Variants in ZSCAN18 observed in about 807,000 individuals in gnomAD.
ZSCAN18 encodes the protein zinc finger and SCAN domain containing 18.
Under a neutral mutation model 31.1 loss-of-function variants are expected in ZSCAN18, and 16 were observed. That is an observed-to-expected ratio of 0.51 (90% CI 0.35 to 0.78). The LOEUF is 0.78. Ranked by LOEUF, ZSCAN18 falls within the 30% of genes least tolerant of loss-of-function variation. The probability of loss-of-function intolerance (pLI) is 0.01; values close to 1 mark genes in which losing one functional copy is unlikely to be tolerated. For missense variants in ZSCAN18, 731 were observed against 697.4 expected (o/e 1.05, Z -0.54); for synonymous variants, 375 against 320.7 (o/e 1.17, Z -1.81).
chr19:58,117,650 G>A (rs60957726), intron 1 of ZSCAN18, among the ~76,000 whole-genome samples: 1 of 151,306 alleles, frequency 6.6e-6, no homozygotes, highest in Admixed American at 6.6e-5. Context: ...AGGGGCGTCC[G>A]CACCTGTGCA....
chr19:58,102,744 C>G (rs931196263), upstream of ZSCAN18, among the ~76,000 whole-genome samples: 1 of 149,764 alleles, frequency 6.7e-6, no homozygotes, highest in Non-Finnish European at 1.5e-5. Flanking sequence ...CAAATGGACT[C>G]TCACTAGTCA....
At chr19:58,101,209 C>T (rs866832108), upstream of ZSCAN18, among the ~76,000 whole-genome samples, 6 of 151,258 alleles carry the variant, frequency 4.0e-5, no homozygotes, top group Middle Eastern at 3.2e-3. Flanking sequence ...CTCGGCTCAC[C>T]GCAAGCTCCA....
intron 1 of ZSCAN18, among the ~76,000 whole-genome samples, chr19:58,113,376 C>T (rs2074703854): frequency 6.6e-6 from 1 of 151,422 alleles, no homozygotes; most frequent in Non-Finnish European, 1.5e-5. Flanking sequence ...ATAACACAGA[C>T]AAAATGGGGC....
In ZSCAN18 at chr19:58,084,895, G is replaced by A. The variant is rs1368635171; in HGVS notation, c.1323C>T (p.Tyr441=). 9 of 1,595,360 alleles carry A rather than the reference G, an allele frequency of 5.6e-6. No homozygotes were observed. Among genetic ancestry groups the A allele is most frequent in the Non-Finnish European group, 6.8e-6 (8 of 1,172,876 alleles). ...HHSSHGGRKR[Y]ACQGCWKTFH... ...AGGTCTTCCAGCAGCCCTGACAGGC[G>A]TAGCGCTTCCGGCCGCCATGGCTGC... The change falls in exon 7 of 7, where the codon TAC becomes TAT. Residue 441 remains tyrosine, a synonymous_variant. Coordinates refer to ENST00000601144, the MANE Select transcript of ZSCAN18 (RefSeq NM_001145543.2). This position sits in a 1 kb window ranked among gnomAD's most constrained non-coding sequence, Gnocchi z 4.5.
intron 1 of ZSCAN18, among the ~76,000 whole-genome samples, chr19:58,118,069 C>T (rs1008213582): frequency 6.6e-6 from 1 of 152,118 alleles, no homozygotes; most frequent in Non-Finnish European, 1.5e-5. Context: ...ACCAGCCCCG[C>T]ACGCCAAGGG....
chr19:58,098,987 T>A (rs753047504), upstream of ZSCAN18, among the ~76,000 whole-genome samples: 10 of 152,270 alleles, frequency 6.6e-5, no homozygotes, highest in South Asian at 2.1e-4. Context: ...CAAAGCCCCA[T>A]ATAAATGTAG....
In ZSCAN18 at chr19:58,093,556, G is replaced by A. The variant is rs117187297; in HGVS notation, c.-119-3170C>T. Among the ~76,000 whole-genome samples the A allele has an allele frequency of 4.9e-3, 746 of 152,234 alleles. 1 individual carries two copies. The highest frequency in any genetic ancestry group is 0.012 in the South Asian group (59 of 4,828). ...TCAGACCCAAGCATCTGCCTGCTCT[G>A]TGACTGAGCGCTTTCTCATGATTTA... On this transcript the variant is annotated intron_variant, in intron 1 of 6. Coordinates refer to ENST00000601144, the MANE Select transcript of ZSCAN18 (RefSeq NM_001145543.2).
chr19:58,090,505 G>T lies in ZSCAN18; in HGVS notation c.-119-119C>A. ...ACACAGATTTCCAAGAAACCCGCTT[G>T]TTAGGCATCAGTAGAACCTCAGTGT... is the stretch of plus-strand genomic sequence containing the variant. On this transcript the variant is annotated intron_variant, in intron 1 of 6. Coordinates refer to ENST00000601144, the MANE Select transcript of ZSCAN18 (RefSeq NM_001145543.2). This position sits in a 1 kb window ranked among gnomAD's most constrained non-coding sequence, Gnocchi z 4.7. 1 of 903,578 alleles carries T rather than the reference G, an allele frequency of 1.1e-6. No homozygotes were observed. Among genetic ancestry groups the T allele is most frequent in the Non-Finnish European group, 1.6e-6 (1 of 608,788 alleles). The allele number at this position is 903,578 out of a possible 1,614,324, so 56.0% of individuals were successfully genotyped here. A position where few individuals can be genotyped will look rare whatever the true frequency, so the allele number is the denominator to read the frequency against.
At position 58,084,649 on chromosome 19, in the gene ZSCAN18, C is replaced by G; in HGVS notation, c.*36G>C. On this transcript the variant is annotated 3_prime_UTR_variant, in exon 7 of 7. Transcript: ENST00000601144. The surrounding 1 kb of genome is among the most constrained non-coding windows in gnomAD (Gnocchi z 4.5). The stretch of plus-strand genomic sequence containing the variant: ...TGCCTCGTCTGGGATTCACGGCCGG[C>G]AAAGCGGCCCCTCCGGAACGGGACA... 1.4e-6 allele frequency: 2 copies of G among 1,437,396 alleles called. No homozygotes were observed. The highest frequency in any genetic ancestry group is 1.8e-6 in the Non-Finnish European group (2 of 1,100,844). The allele number at this position is 1,437,396 out of a possible 1,614,324, so 89.0% of individuals were successfully genotyped here.
intron 6 of ZSCAN18, chr19:58,085,721 T>C (rs1446175554): frequency 1.8e-5 from 7 of 387,552 alleles, no homozygotes; most frequent in Admixed American, 1.3e-4. Flanking sequence ...AAGGAGAGCC[T>C]GCTCAGAGCG....
At chr19:58,097,954 C>G (rs1431739201) in intron 1 of ZSCAN18, 2 of 985,336 alleles carry the variant, frequency 2.0e-6, no homozygotes, top group Non-Finnish European at 2.4e-6. Flanking sequence ...CCTCACCGAT[C>G]TGGATCTCAG....
At chr19:58,116,429 C>A (rs921306460) in intron 1 of ZSCAN18, among the ~76,000 whole-genome samples, 1 of 151,754 alleles carries the variant, frequency 6.6e-6, no homozygotes, top group Admixed American at 6.6e-5. Context: ...AGACCTCCAC[C>A]TCACAGAGTA....
At chr19:58,091,403 G>A (rs149911883) in intron 1 of ZSCAN18, among the ~76,000 whole-genome samples, 3,331 of 152,080 alleles carry the variant, frequency 0.022, 68 homozygotes, top group Non-Finnish European at 0.027. Context: ...CGTAGGGAGC[G>A]GGGGGCTCCC....
At chr19:58,104,028 G>C (rs764922799) in intron 1 of ZSCAN18, among the ~76,000 whole-genome samples, 1 of 152,224 alleles carries the variant, frequency 6.6e-6, no homozygotes, top group Non-Finnish European at 1.5e-5. Context: ...TCCAGAGCAA[G>C]GTCCTGACTC....
chr19:58,085,678 T>C (rs371592266), intron 6 of ZSCAN18: 1 of 459,390 alleles, frequency 2.2e-6, no homozygotes. Context: ...GGTCTCCACC[T>C]GGCCACTAGC....
intron 1 of ZSCAN18, chr19:58,118,196 C>A: frequency 1.4e-6 from 1 of 724,306 alleles, no homozygotes; most frequent in East Asian, 3.4e-5. Flanking sequence ...CTGCCGCGTA[C>A]CCTCACAGAC....
At chr19:58,106,997 T>TGA (rs2074640071) in intron 1 of ZSCAN18, among the ~76,000 whole-genome samples, 1 of 151,642 alleles carries the variant, frequency 6.6e-6, no homozygotes. Flanking sequence ...AATCCTGACC[T>TGA]CGTGATCTGC....
intron 1 of ZSCAN18, among the ~76,000 whole-genome samples, chr19:58,094,984 G>C (rs1315171576): frequency 6.6e-6 from 1 of 151,930 alleles, no homozygotes; most frequent in Non-Finnish European, 1.5e-5. Context: ...TTAATCCCAG[G>C]AGTTGGAGGC....
chr19:58,103,855 C>A (rs1201127202), intron 1 of ZSCAN18, among the ~76,000 whole-genome samples: 1 of 152,018 alleles, frequency 6.6e-6, no homozygotes, highest in Non-Finnish European at 1.5e-5. Flanking sequence ...ATTGTGATGG[C>A]CAAGAGAAAA....
Sources: gnomAD v4.1 joint callset for allele counts (sites outside exome capture counted in the v4.1 genomes callset) on GRCh38, gnomAD v4.1.1 for gene constraint, Gnocchi (gnomAD v3.1) non-coding constraint, MANE v1.5 for transcripts, NCBI Gene and HGNC (gene_info 2026-07-23, HGNC 2026-07-21) for gene names.